Variants in SGSM2 observed in about 807,000 individuals in gnomAD.
SGSM2 encodes the protein small G protein signaling modulator 2.
SGSM2 carries 89 observed loss-of-function variants against 126.6 expected under a neutral mutation model. That is an observed-to-expected ratio of 0.70 (90% confidence interval 0.59 to 0.84). The LOEUF is 0.84. Ranked by LOEUF, SGSM2 falls within the 40% of genes least tolerant of loss-of-function variation. The pLI is 0.00. For synonymous variants in SGSM2, 614 were observed against 574.3 expected, an observed-to-expected ratio of 1.07 and a Z score of -0.99; for missense variants, 1,404 against 1,416.6, an observed-to-expected ratio of 0.99 and a Z score of 0.14.
At position 2,372,829 on chromosome 17, in the gene SGSM2, C is replaced by G. The variant is rs918904298; in HGVS notation, c.1789-124C>G. ...AGGACGTGGCCACCCCAAAGCAGGC[C>G]TTGCCTGGGCTTCAGCAGTCACTAC... is the stretch of plus-strand genomic sequence containing the variant. On this transcript the variant is annotated intron_variant, in intron 15 of 23. Transcript: ENST00000268989. This position sits in a 1 kb window ranked among gnomAD's most constrained non-coding sequence, Gnocchi z 6.0. 9 of 1,360,502 alleles carry G rather than the reference C, an allele frequency of 6.6e-6. No individual in the cohort carries two copies. Among genetic ancestry groups the G allele is most frequent in the Non-Finnish European group, 7.9e-6 (8 of 1,014,864 alleles). 84.3% of individuals were successfully genotyped at this position (1,360,502 alleles called of 1,614,324 possible). A position where few individuals can be genotyped will look rare whatever the true frequency, so the allele number is the denominator to read the frequency against.
In SGSM2 at chr17:2,343,635, G is replaced by T. The variant is rs747463348; in HGVS notation, c.133+15G>T. ...TGCTTTATGTGGTGAGTGAGTGACT[G>T]AAGGATGATGGGAGGTCGGTCTAGA... is the stretch of plus-strand genomic sequence containing the variant. On this transcript the variant is annotated intron_variant, in intron 2 of 23. Coordinates refer to ENST00000268989, the MANE Select transcript of SGSM2 (RefSeq NM_014853.3). 1 of 1,612,858 alleles carries T rather than the reference G, an allele frequency of 6.2e-7. No individual in the cohort carries two copies. The highest frequency in any genetic ancestry group is 2.2e-5 in the East Asian group (1 of 44,866).
Position 2,365,288 on chromosome 17 carries a change from G to A in SGSM2, c.1235G>A (p.Arg412Gln), listed in dbSNP as rs1378847083. ...SVDMEEMGTG[R>Q]ATDYVFRIIY... ...GATATGGAGGAGATGGGCACGGGGC[G>A]GGCCACCGACTATGTGTTCCGGATC... is the stretch of plus-strand genomic sequence containing the variant. The change falls in exon 11 of 24, where the codon CGG becomes CAG. Residue 412 changes from arginine (R) to glutamine (Q), a missense_variant. Coordinates refer to ENST00000268989, the MANE Select transcript of SGSM2 (RefSeq NM_014853.3). The A allele has an allele frequency of 1.4e-5, 22 of 1,594,036 alleles. No individual in the cohort carries two copies. The highest frequency in any genetic ancestry group is 2.3e-5 in the East Asian group (1 of 43,634).
At position 2,337,679 on chromosome 17, in the gene SGSM2, CT is replaced by C; in HGVS notation, c.-9del. 1 of 1,492,984 alleles carries C rather than the reference CT, an allele frequency of 6.7e-7. No individual in the cohort carries two copies. Among genetic ancestry groups the C allele is most frequent in the Non-Finnish European group, 9.0e-7 (1 of 1,113,436 alleles). 92.5% of individuals were successfully genotyped at this position (1,492,984 alleles called of 1,614,324 possible). A position where few individuals can be genotyped will look rare whatever the true frequency, so the allele number is the denominator to read the frequency against. On this transcript the variant is annotated 5_prime_UTR_variant, in exon 1 of 24. Coordinates refer to ENST00000268989, the MANE Select transcript of SGSM2 (RefSeq NM_014853.3). The surrounding 1 kb of genome is among the most constrained non-coding windows in gnomAD (Gnocchi z 5.1). Reference sequence around the variant, plus strand: ...TCTGAGGACCGCTCGGCGCCGCCTCCTGCCACACCATGGGCAGCGCAGAGGA... The same window carrying C: ...TCTGAGGACCGCTCGGCGCCGCCTCCGCCACACCATGGGCAGCGCAGAGGA...
Position 2,372,939 on chromosome 17 carries a change from C to T in SGSM2, c.1789-14C>T. The T allele has an allele frequency of 1.3e-6, 2 of 1,555,978 alleles. No homozygotes were observed. Among genetic ancestry groups the T allele is most frequent in the South Asian group, 1.2e-5 (1 of 84,514 alleles). ...TGTGGAGGCTGCACAGTCTTGACTC[C>T]CCGGGTCCCTCAGAACTACAAAGAG... is the stretch of plus-strand genomic sequence containing the variant. On this transcript the variant is annotated splice_polypyrimidine_tract_variant and intron_variant, in intron 15 of 23. Transcript: ENST00000268989. This position sits in a 1 kb window ranked among gnomAD's most constrained non-coding sequence, Gnocchi z 6.0.
At chr17:2,365,184 A>G in intron 10 of SGSM2, 31 bp from the exon 11 acceptor site, 1 of 1,598,980 alleles carries the variant, frequency 6.3e-7, no homozygotes, top group African/African-American at 1.3e-5. Flanking sequence ...TCTGCCCTAT[A>G]CAGCCCGACC....
At chr17:2,364,263 C>T (rs1012962575) in intron 8 of SGSM2, 80 bp downstream of exon 8, 11 of 1,563,070 alleles carry the variant, frequency 7.0e-6, no homozygotes, top group Non-Finnish European at 4.4e-6. Flanking sequence ...AGAAACCCCG[C>T]TTGCTCCAGG....
chr17:2,342,571 G>A (rs922286903), intron 1 of SGSM2, among the ~76,000 whole-genome samples: 1 of 152,192 alleles, frequency 6.6e-6, no homozygotes, highest in Non-Finnish European at 1.5e-5. Flanking sequence ...TGCTCTAGTT[G>A]CTGATTTCAC....
chr17:2,359,703 A>C (rs2447103), intron 2 of SGSM2, among the ~76,000 whole-genome samples: 83,228 of 151,976 alleles, frequency 0.55, 23,375 homozygotes, highest in East Asian at 0.77. Context: ...CCCAGTCCCC[A>C]CGGCCTGGCT....
At chr17:2,344,635 GAGAC>G (rs1478797619) in intron 2 of SGSM2, among the ~76,000 whole-genome samples, 7 of 152,160 alleles carry the variant, frequency 4.6e-5, no homozygotes, top group Non-Finnish European at 8.8e-5. Flanking sequence ...TTCTGTTGGG[GAGAC>G]AGACAGGAAA....
chr17:2,346,487 T>C (rs1003159700), intron 2 of SGSM2, among the ~76,000 whole-genome samples: 2 of 152,178 alleles, frequency 1.3e-5, no homozygotes, highest in African/African-American at 4.8e-5. Context: ...CCAGGAAAGT[T>C]TGCAGCCAGA....
chr17:2,376,309 A>ACTCGCTCCC (rs1567850352), intron 19 of SGSM2, 48 bp downstream of exon 19: 1 of 1,488,138 alleles, frequency 6.7e-7, no homozygotes, highest in Non-Finnish European at 9.0e-7. Context: ...CCCTGCCGCC[A>ACTCGCTCCC]GTTACTCTGT....
chr17:2,349,320 G>C (rs1451939987), intron 2 of SGSM2, among the ~76,000 whole-genome samples: 1 of 151,976 alleles, frequency 6.6e-6, no homozygotes, highest in Non-Finnish European at 1.5e-5. Context: ...AGGTTTCAGT[G>C]AGCGAGATTG....
At position 2,372,771 on chromosome 17, in the gene SGSM2, G is replaced by A. The variant is rs180833440; in HGVS notation, c.1789-182G>A. On this transcript the variant is annotated intron_variant, in intron 15 of 23. Transcript: ENST00000268989. The surrounding 1 kb of genome is among the most constrained non-coding windows in gnomAD (Gnocchi z 6.0). ...GCCCCTTAAGGAAGGAGAGCAGAAC[G>A]AGATCTCATCCCACTGTGAGCTGGG... 2.7e-5 allele frequency: 24 copies of A among 878,228 alleles called. No homozygotes were observed. In the African/African-American group the frequency reaches 3.1e-4, roughly 11 times the overall value. The allele number at this position is 878,228 out of a possible 1,614,324, so 54.4% of individuals were successfully genotyped here. A position where few individuals can be genotyped will look rare whatever the true frequency, so the allele number is the denominator to read the frequency against.
At position 2,379,445 on chromosome 17, in the gene SGSM2, T is replaced by A; in HGVS notation, c.3081T>A (p.His1027Gln). The change falls in exon 24 of 24, where the codon CAT becomes CAA. Residue 1027 changes from histidine to glutamine, a missense_variant. Physicochemically the swap from His to Gln is conservative, Grantham distance 24. Coordinates refer to ENST00000268989, the MANE Select transcript of SGSM2 (RefSeq NM_014853.3). ...GTTTCCCCCCAGAACGTGCTGAGCATCACGATGCCCAGGAGATCCTGCGGA... is the reference window on the plus strand; with the variant it reads ...GTTTCCCCCCAGAACGTGCTGAGCAACACGATGCCCAGGAGATCCTGCGGA... ...IIKFFNERAE[H>Q]HDAQEILRIA... The A allele has an allele frequency of 1.2e-6, 2 of 1,613,194 alleles. No individual in the cohort carries two copies. Among genetic ancestry groups the A allele is most frequent in the Non-Finnish European group, 1.7e-6 (2 of 1,179,394 alleles).
At chr17:2,378,237 G>A (rs1001772042) in intron 22 of SGSM2, among the ~76,000 whole-genome samples, 1 of 152,176 alleles carries the variant, frequency 6.6e-6, no homozygotes, top group African/African-American at 2.4e-5. Context: ...CTTGAGACTA[G>A]CCTGGGCAAC....
chr17:2,346,619 G>A (rs2064607524), intron 2 of SGSM2, among the ~76,000 whole-genome samples: 1 of 152,144 alleles, frequency 6.6e-6, no homozygotes, highest in East Asian at 1.9e-4. Context: ...ACATGCAGTA[G>A]GCCCCTGCGA....
chr17:2,339,093 T>TTA (rs1341741019), intron 1 of SGSM2, among the ~76,000 whole-genome samples: 1 of 149,572 alleles, frequency 6.7e-6, no homozygotes. Flanking sequence ...TGAGCCGTAA[T>TTA]TAGAGTTTCA....
chr17:2,339,882 G>C (rs1056007726), intron 1 of SGSM2, among the ~76,000 whole-genome samples: 2 of 152,040 alleles, frequency 1.3e-5, no homozygotes, highest in African/African-American at 2.4e-5. Flanking sequence ...GCTGTGAAGA[G>C]GCCCAAAAAA....
chr17:2,337,647 C>CG lies in SGSM2; in HGVS notation c.-37dup. On this transcript the variant is annotated 5_prime_UTR_variant, in exon 1 of 24. Transcript: ENST00000268989. The surrounding 1 kb of genome is among the most constrained non-coding windows in gnomAD (Gnocchi z 5.1). ...GAGAGGCGCGGAGGCGGCGAGGGCG[C>CG]GGGGGCTCTGAGGACCGCTCGGCGC... 2.2e-6 allele frequency: 3 copies of CG among 1,374,290 alleles called. No individual in the cohort carries two copies. The highest frequency in any genetic ancestry group is 3.1e-5 in the South Asian group (2 of 64,098). 85.1% of individuals were successfully genotyped at this position (1,374,290 alleles called of 1,614,324 possible).
Sources: gnomAD v4.1 joint callset for allele counts (sites outside exome capture counted in the v4.1 genomes callset) on GRCh38, gnomAD v4.1.1 for gene constraint, Gnocchi (gnomAD v3.1) non-coding constraint, MANE v1.5 for transcripts, NCBI Gene and HGNC (gene_info 2026-07-23, HGNC 2026-07-21) for gene names.